Variants in RASGEF1C observed in about 807,000 individuals in gnomAD.
RASGEF1C encodes the protein RasGEF domain family member 1C, also known as ras-GEF domain-containing family member 1C.
Under a neutral mutation model 58.1 loss-of-function variants are expected in RASGEF1C, and 27 were observed. The ratio of observed to expected loss-of-function variants is 0.46; its 90% CI spans 0.34 to 0.64. RASGEF1C has a LOEUF of 0.64. Among genes scored for constraint, RASGEF1C ranks in the 30% least tolerant of loss-of-function variants. The pLI, the probability that RASGEF1C is intolerant of heterozygous loss-of-function variation, is 0.01. For synonymous variants in RASGEF1C, 243 were observed against 246.3 expected, an observed-to-expected ratio of 0.99 and a Z score of 0.13; for missense variants, 502 against 605.1, an observed-to-expected ratio of 0.83 and a Z score of 1.79.
chr5:180,167,944 G>C (rs1002154186), intron 1 of RASGEF1C, among the ~76,000 whole-genome samples: 8 of 152,186 alleles, frequency 5.3e-5, no homozygotes, highest in African/African-American at 1.2e-4. Context: ...CGTAAGCTCT[G>C]TTTTCAAAGT....
intron 1 of RASGEF1C, among the ~76,000 whole-genome samples, chr5:180,196,226 T>G (rs1172567259): frequency 1.3e-5 from 2 of 151,072 alleles, no homozygotes; most frequent in East Asian, 1.9e-4. Flanking sequence ...AGGGCCGGGC[T>G]CAGTGGCTCA....
chr5:180,154,510 C>T (rs376764575), intron 1 of RASGEF1C, among the ~76,000 whole-genome samples: 6 of 152,084 alleles, frequency 3.9e-5, no homozygotes, highest in South Asian at 2.1e-4. Context: ...TGAATAAACC[C>T]GGACCCTCAA....
intron 1 of RASGEF1C, among the ~76,000 whole-genome samples, chr5:180,167,943 T>C (rs971030295): frequency 6.6e-6 from 1 of 152,262 alleles, no homozygotes. Flanking sequence ...ACGTAAGCTC[T>C]GTTTTCAAAG....
chr5:180,152,643 A>G (rs1321933365), intron 1 of RASGEF1C, among the ~76,000 whole-genome samples: 89 of 151,562 alleles, frequency 5.9e-4, no homozygotes, highest in African/African-American at 1.6e-3. Flanking sequence ...CAGCACACCA[A>G]CATGGCACAT....
chr5:180,114,631 C>A (rs1766033841), intron 10 of RASGEF1C, 90 bp from the exon 11 acceptor site: 3 of 1,284,102 alleles, frequency 2.3e-6, no homozygotes, highest in Non-Finnish European at 3.3e-6. Flanking sequence ...AGATAGCTGC[C>A]CCAGGGACCT....
chr5:180,136,492 G>T lies in RASGEF1C; in HGVS notation c.324C>A (p.Pro108=). ...LDKARVRKFG[P]KLLQLLAEWT... The stretch of plus-strand genomic sequence containing the variant: ...ACTCGGCCAACAGCTGCAGCAGTTT[G>T]GGGCCGAACTTCCGGACCCGGGCCT... The change falls in exon 4 of 14, where the codon CCC becomes CCA. Residue 108 remains proline, a synonymous_variant. Coordinates refer to ENST00000361132, the MANE Select transcript of RASGEF1C (RefSeq NM_175062.4). The T allele has an allele frequency of 6.4e-7, 1 of 1,571,110 alleles. No individual in the cohort carries two copies.
intron 6 of RASGEF1C, among the ~76,000 whole-genome samples, chr5:180,122,196 CA>C (rs1220831378): frequency 1.3e-5 from 2 of 152,198 alleles, no homozygotes; most frequent in African/African-American, 4.8e-5. Context: ...CCTAACCTTG[CA>C]TTTCCCCCCG....
intron 12 of RASGEF1C, among the ~76,000 whole-genome samples, chr5:180,110,102 C>T (rs557337593): frequency 7.2e-5 from 11 of 152,284 alleles, no homozygotes; most frequent in Admixed American, 2.6e-4. Context: ...TGGGCAGCTC[C>T]AGGCATTCTC....
chr5:180,142,816 G>A (rs1766602361), intron 1 of RASGEF1C, among the ~76,000 whole-genome samples: 1 of 152,124 alleles, frequency 6.6e-6, no homozygotes, highest in South Asian at 2.1e-4. Context: ...ATTCGTCCAA[G>A]CTGAAGTCCA....
intron 1 of RASGEF1C, among the ~76,000 whole-genome samples, chr5:180,178,721 C>T (rs1023681256): frequency 2.0e-5 from 3 of 152,202 alleles, no homozygotes; most frequent in East Asian, 1.9e-4. Flanking sequence ...CTTTCATCAC[C>T]GGCTTTCCAC....
Position 180,156,444 on chromosome 5 carries a change from G to A in RASGEF1C, c.-6-18386C>T, listed in dbSNP as rs906756707. ...GGCAGGGCCGAGGTGGGAACCAAGC[G>A]CTGGACCTCTGTGATAAAGAACTGT... On this transcript the variant is annotated intron_variant, in intron 1 of 13. Coordinates refer to ENST00000361132, the MANE Select transcript of RASGEF1C (RefSeq NM_175062.4). The surrounding 1 kb of genome is among the most constrained non-coding windows in gnomAD (Gnocchi z 4.9). Among the ~76,000 whole-genome samples the A allele has an allele frequency of 4.6e-5, 7 of 152,148 alleles. No homozygotes were observed. The highest frequency in any genetic ancestry group is 7.3e-5 in the Non-Finnish European group (5 of 68,038).
At chr5:180,170,764 C>T (rs116254746) in intron 1 of RASGEF1C, among the ~76,000 whole-genome samples, 1,538 of 152,332 alleles carry the variant, frequency 0.01, 29 homozygotes, top group African/African-American at 0.036. Flanking sequence ...CCACCTGCCT[C>T]GGAGCCCCGA....
chr5:180,180,578 G>A (rs1191425231), intron 1 of RASGEF1C, among the ~76,000 whole-genome samples: 1 of 152,218 alleles, frequency 6.6e-6, no homozygotes, highest in Non-Finnish European at 1.5e-5. Context: ...GAGGTGCCAG[G>A]AGCAAAGCCG....
intron 1 of RASGEF1C, among the ~76,000 whole-genome samples, chr5:180,157,152 CTCATT>C (rs1335705084): frequency 1.3e-5 from 2 of 152,238 alleles, no homozygotes; most frequent in African/African-American, 2.4e-5. Flanking sequence ...ATCTAGCAAT[CTCATT>C]TCTTGGTATT....
intron 4 of RASGEF1C, among the ~76,000 whole-genome samples, chr5:180,131,143 C>T (rs1766360334): frequency 6.6e-6 from 1 of 152,176 alleles, no homozygotes; most frequent in South Asian, 2.1e-4. Context: ...GGTTTCTCTC[C>T]ACCCTGCAGC....
At chr5:180,174,509 C>T (rs1031013153) in intron 1 of RASGEF1C, among the ~76,000 whole-genome samples, 13 of 142,742 alleles carry the variant, frequency 9.1e-5, no homozygotes, top group South Asian at 2.2e-4. Context: ...TCTGTGTGTG[C>T]GTGCGCGTAC....
rs182055920 is a variant in RASGEF1C, at chr5:180,183,572, C to T, written c.-7+25456G>A. Among the ~76,000 whole-genome samples the T allele has an allele frequency of 6.3e-3, 961 of 152,148 alleles. 6 individuals are homozygous for T. Among genetic ancestry groups the T allele is most frequent in the Non-Finnish European group, 8.7e-3 (592 of 68,010 alleles). ...AGGCATGGTGGCTTACACCTGTAATCCCAGCACTTTGGAAGGCTGAGGCAG... is the reference window on the plus strand; with the variant it reads ...AGGCATGGTGGCTTACACCTGTAATTCCAGCACTTTGGAAGGCTGAGGCAG... On this transcript the variant is annotated intron_variant, in intron 1 of 13. Transcript: ENST00000361132.
chr5:180,107,204 A>T (rs1215910241), intron 12 of RASGEF1C, among the ~76,000 whole-genome samples: 1 of 152,178 alleles, frequency 6.6e-6, no homozygotes, highest in Admixed American at 6.5e-5. Context: ...GGATCATTTT[A>T]AAAAATCGAC....
chr5:180,196,982 T>A (rs1443111187), intron 1 of RASGEF1C, among the ~76,000 whole-genome samples: 1 of 152,212 alleles, frequency 6.6e-6, no homozygotes, highest in Non-Finnish European at 1.5e-5. Flanking sequence ...TCCCAAGACC[T>A]GACTTCACCC....
Sources: allele counts gnomAD v4.1 joint callset (sites outside exome capture counted in the v4.1 genomes callset), GRCh38; gene constraint gnomAD v4.1.1; non-coding constraint Gnocchi (gnomAD v3.1); transcripts MANE v1.5; gene names NCBI Gene and HGNC (gene_info 2026-07-23, HGNC 2026-07-21).